The following PAPOLA variants were observed in gnomAD, a reference collection of about 807,000 sequenced individuals.
The protein encoded by PAPOLA is poly(A) polymerase alpha, also known as polynucleotide adenylyltransferase alpha.
A neutral mutation model predicts 100.6 loss-of-function variants in PAPOLA; 15 were observed. That is an observed-to-expected ratio of 0.15 (90% CI 0.10 to 0.23). The LOEUF (loss-of-function observed/expected upper bound fraction) is 0.23. Among genes scored for constraint, PAPOLA ranks in the 10% least tolerant of loss-of-function variants. The probability of loss-of-function intolerance (pLI) is 1.00; values close to 1 mark genes in which losing one functional copy is unlikely to be tolerated. For synonymous variants in PAPOLA, 293 were observed against 300.0 expected (o/e 0.98, Z 0.24); for missense variants, 533 against 884.2 (o/e 0.60, Z 5.04).
chr14:96,538,716 T>C (rs1899737009), intron 12 of PAPOLA, among the ~76,000 whole-genome samples: 1 of 152,044 alleles, frequency 6.6e-6, no homozygotes, highest in Non-Finnish European at 1.5e-5. Context: ...AATTTGCCTC[T>C]TTAAGATAAA....
At chr14:96,527,397 T>G in intron 4 of PAPOLA, 33 bp from the exon 5 acceptor site, 1 of 1,229,110 alleles carries the variant, frequency 8.1e-7, no homozygotes, top group Non-Finnish European at 1.2e-6. Context: ...CTTGTAATAT[T>G]AATTAGTGGT....
In PAPOLA at chr14:96,532,991, T is replaced by A. The variant is rs545930876; in HGVS notation, c.836+342T>A. ...AACTTGTACACACTACCTCTTTCAC[T>A]CTTTTAATTCTCTATCTATAGGCCA... On this transcript the variant is annotated intron_variant, in intron 9 of 21. Coordinates refer to ENST00000216277, the MANE Select transcript of PAPOLA (RefSeq NM_032632.5). 4.5e-5 allele frequency: 45 copies of A among 1,000,698 alleles called. No individual in the cohort carries two copies. The South Asian group carries it at 1.7e-3, about 39-fold the overall frequency. 62.0% of individuals were successfully genotyped at this position (1,000,698 alleles called of 1,614,324 possible). A position where few individuals can be genotyped will look rare whatever the true frequency, so the allele number is the denominator to read the frequency against.
intron 6 of PAPOLA, 63 bp downstream of exon 6, chr14:96,528,069 G>T (rs1898650378): frequency 1.8e-6 from 2 of 1,083,024 alleles, no homozygotes; most frequent in Admixed American, 1.7e-5. Context: ...ATTGATATAG[G>T]TTAAAAACTT....
At chr14:96,531,248 G>C (rs1303362291) in intron 6 of PAPOLA, among the ~76,000 whole-genome samples, 2 of 151,848 alleles carry the variant, frequency 1.3e-5, no homozygotes, top group East Asian at 3.9e-4. Context: ...TGATCCGCCT[G>C]CCCAGGCCTC....
chr14:96,510,931 A>G (rs1383543782), intron 1 of PAPOLA, among the ~76,000 whole-genome samples: 2 of 152,240 alleles, frequency 1.3e-5, no homozygotes, highest in African/African-American at 4.8e-5. Context: ...TTTAATGCAC[A>G]TTGAGATACT....
intron 1 of PAPOLA, 147 bp downstream of exon 1, chr14:96,502,747 T>G: frequency 2.5e-6 from 2 of 789,776 alleles, no homozygotes; most frequent in Non-Finnish European, 3.7e-6. Context: ...ACCTTCCTGT[T>G]TCCTCGCTCG....
intron 19 of PAPOLA, among the ~76,000 whole-genome samples, chr14:96,559,587 A>C (rs926600326): frequency 7.3e-4 from 99 of 135,706 alleles, no homozygotes; most frequent in South Asian, 1.7e-3. Flanking sequence ...CTCTCTATAT[A>C]TATATATATA....
At chr14:96,547,980 C>A in intron 16 of PAPOLA, 62 bp downstream of exon 16, 1 of 1,353,068 alleles carries the variant, frequency 7.4e-7, no homozygotes, top group Admixed American at 2.4e-5. Flanking sequence ...TCTGGACTAT[C>A]ATTATTTCAG....
chr14:96,521,329 G>A (rs1468066386), intron 3 of PAPOLA, among the ~76,000 whole-genome samples: 1 of 152,074 alleles, frequency 6.6e-6, no homozygotes, highest in Non-Finnish European at 1.5e-5. Context: ...CTCAGTAATT[G>A]TAAAGTACTT....
At chr14:96,547,589 A>G (rs2140312322) in intron 15 of PAPOLA, 1 of 428,276 alleles carries the variant, frequency 2.3e-6, no homozygotes, top group Non-Finnish European at 4.2e-6. Flanking sequence ...GAATTAATAC[A>G]TTTTGTGCTT....
intron 19 of PAPOLA, among the ~76,000 whole-genome samples, chr14:96,559,920 C>T (rs1229150657): frequency 1.3e-5 from 2 of 151,938 alleles, no homozygotes; most frequent in African/African-American, 4.8e-5. Context: ...ACATATCAGT[C>T]AGTATTCAGA....
chr14:96,518,863 C>T (rs1441798893), intron 1 of PAPOLA, among the ~76,000 whole-genome samples: 1 of 151,764 alleles, frequency 6.6e-6, no homozygotes, highest in African/African-American at 2.4e-5. Context: ...TCGAGAGCAG[C>T]CTGGCCAACA....
At chr14:96,562,934 T>G in intron 21 of PAPOLA, 41 bp downstream of exon 21, 1 of 1,147,608 alleles carries the variant, frequency 8.7e-7, no homozygotes, top group Non-Finnish European at 1.3e-6. Flanking sequence ...GTAAATGTCC[T>G]TAAGATTAGT....
Position 96,509,377 on chromosome 14 carries a change from CA to C in PAPOLA, c.8+6779del, listed in dbSNP as rs1458922578. Among the ~76,000 whole-genome samples, 7 of 152,070 alleles carry C rather than the reference CA, an allele frequency of 4.6e-5. 1 individual carries two copies. The East Asian group carries it at 7.7e-4, about 17-fold the overall frequency. ...TTCAAGTAGAATTAATTTTCAAGCT[CA>C]ATTTTTTTTGTGTGTATAACATGTA... On this transcript the variant is annotated intron_variant, in intron 1 of 21. Transcript: ENST00000216277.
intron 3 of PAPOLA, among the ~76,000 whole-genome samples, chr14:96,521,648 A>C (rs1897974741): frequency 6.6e-6 from 1 of 151,874 alleles, no homozygotes; most frequent in South Asian, 2.1e-4. Context: ...GTCCCTTCAC[A>C]CCTGGCTAAT....
intron 15 of PAPOLA, among the ~76,000 whole-genome samples, chr14:96,545,097 T>C (rs1045657051): frequency 1.3e-5 from 2 of 152,048 alleles, no homozygotes; most frequent in Non-Finnish European, 2.9e-5. Flanking sequence ...CTCTCCCCAT[T>C]TAAAACAAAT....
intron 7 of PAPOLA, chr14:96,531,898 A>G (rs1899051385): frequency 7.4e-7 from 1 of 1,352,734 alleles, no homozygotes; most frequent in East Asian, 2.9e-5. Context: ...TGATCCTGTT[A>G]TTCTTTAGTA....
intron 1 of PAPOLA, among the ~76,000 whole-genome samples, chr14:96,505,020 T>C (rs1210672079): frequency 6.6e-6 from 1 of 152,210 alleles, no homozygotes; most frequent in Non-Finnish European, 1.5e-5. Context: ...TGATCAAGTG[T>C]CCATATTTTG....
chr14:96,561,830 T>G (rs1311167669), intron 20 of PAPOLA, among the ~76,000 whole-genome samples: 3 of 144,638 alleles, frequency 2.1e-5, no homozygotes, highest in East Asian at 2.0e-4. Context: ...AATATTTCGT[T>G]TTTTTTTTTT....
Sources: gnomAD v4.1 joint callset for allele counts (sites outside exome capture counted in the v4.1 genomes callset) on GRCh38, gnomAD v4.1.1 for gene constraint, MANE v1.5 for transcripts, NCBI Gene and HGNC (gene_info 2026-07-23, HGNC 2026-07-21) for gene names.